Variants in KIT observed in about 807,000 individuals in gnomAD.
The protein encoded by KIT is mast/stem cell growth factor receptor Kit.
In KIT, 16 loss-of-function variants were observed where a neutral mutation model predicts 105.7. That is an observed-to-expected ratio of 0.15 (90% CI 0.10 to 0.23). The LOEUF (loss-of-function observed/expected upper bound fraction) is 0.23. KIT is among the 10% of genes least tolerant of loss of function. The pLI is 1.00. For synonymous variants in KIT, 438 were observed against 441.1 expected (o/e 0.99, Z 0.09); for missense variants, 858 against 1,213.8 (o/e 0.71, Z 4.36).
intron 7 of KIT, among the ~76,000 whole-genome samples, chr4:54,713,699 A>G (rs1039837291): frequency 2.6e-5 from 4 of 152,174 alleles, no homozygotes; most frequent in Admixed American, 1.3e-4. Flanking sequence ...TGAAAAATCT[A>G]TTTGTTTTGA....
chr4:54,658,904 C>A (rs932851808), intron 1 of KIT, among the ~76,000 whole-genome samples: 3 of 152,162 alleles, frequency 2.0e-5, no homozygotes, highest in Admixed American at 6.5e-5. Context: ...GCCGCGCGCC[C>A]CGGGGCGGCT....
intron 1 of KIT, among the ~76,000 whole-genome samples, chr4:54,666,751 C>T (rs764424932): frequency 5.9e-5 from 9 of 152,194 alleles, no homozygotes; most frequent in Non-Finnish European, 8.8e-5. Flanking sequence ...TGCCTGAAAT[C>T]GTTTGGGAAT....
chr4:54,725,245 C>T (rs1722143742), intron 8 of KIT, among the ~76,000 whole-genome samples: 1 of 152,118 alleles, frequency 6.6e-6, no homozygotes, highest in East Asian at 1.9e-4. Context: ...GCTGGGATTA[C>T]AGGCGCCTGC....
chr4:54,673,198 T>G (rs913973407), intron 1 of KIT, among the ~76,000 whole-genome samples: 6 of 152,214 alleles, frequency 3.9e-5, no homozygotes, highest in African/African-American at 1.2e-4. Context: ...TAAGAGTTCT[T>G]TTTTATTTCC....
intron 20 of KIT, 77 bp downstream of exon 20, chr4:54,737,357 T>G: frequency 1.0e-6 from 1 of 984,842 alleles, no homozygotes; most frequent in Non-Finnish European, 1.6e-6. Flanking sequence ...GCTTTCAGGG[T>G]GAGGACTAAC....
intron 7 of KIT, among the ~76,000 whole-genome samples, chr4:54,713,621 T>A: frequency 6.6e-6 from 1 of 152,242 alleles, no homozygotes; most frequent in East Asian, 1.9e-4. Flanking sequence ...GCGTAATTGC[T>A]TAATAGATTC....
chr4:54,698,985 C>T (rs554967915), intron 3 of KIT, among the ~76,000 whole-genome samples: 1 of 152,318 alleles, frequency 6.6e-6, no homozygotes, highest in African/African-American at 2.4e-5. Flanking sequence ...TGCAATGCAT[C>T]CTCAAACTGT....
rs766845123 is a variant in KIT, at chr4:54,738,516, G to A, written c.2890G>A (p.Ala964Thr). 4.1e-5 allele frequency: 66 copies of A among 1,613,916 alleles called. No individual in the cohort carries two copies. The highest frequency in any genetic ancestry group is 3.3e-4 in the Middle Eastern group (2 of 6,084). The change falls in exon 21 of 21, where the codon GCT becomes ACT. Residue 964 changes from alanine (A) to threonine (T), a missense_variant. Coordinates refer to ENST00000288135, the MANE Select transcript of KIT (RefSeq NM_000222.3). ...GCGGATCAATTCTGTCGGCAGCACCGCTTCCTCCTCCCAGCCTCTGCTTGT... is the reference window on the plus strand; with the variant it reads ...GCGGATCAATTCTGTCGGCAGCACCACTTCCTCCTCCCAGCCTCTGCTTGT... ...SVRINSVGST[A>T]SSSQPLLVHD... is the part of the protein sequence containing the mutation.
Position 54,707,149 on chromosome 4 carries a change from A to G in KIT, c.977A>G (p.Asn326Ser), listed in dbSNP as rs2109705178. Residue 326 changes from asparagine to serine, a missense_variant, in exon 6 of 21, where the codon AAC (asparagine) becomes AGC (serine). By Grantham distance (46) the Asn-to-Ser change is conservative. This residue lies in a region of KIT where 401 missense variants were observed against 601.0 expected (regional missense o/e 0.67). Coordinates refer to ENST00000288135, the MANE Select transcript of KIT (RefSeq NM_000222.3). The part of the protein sequence containing the change: ...FPMINTTVFV[N>S]DGENVDLIVE... ...ATGATAAACACTACAGTATTTGTAAACGATGGAGAAAATGTAGATTTGATT... is the reference window on the plus strand; with the variant it reads ...ATGATAAACACTACAGTATTTGTAAGCGATGGAGAAAATGTAGATTTGATT... The G allele has an allele frequency of 6.3e-7, 1 of 1,581,898 alleles. No homozygotes were observed. The highest frequency in any genetic ancestry group is 2.2e-5 in the East Asian group (1 of 44,664).
chr4:54,722,680 A>G (rs1721949891), intron 7 of KIT, among the ~76,000 whole-genome samples: 1 of 152,020 alleles, frequency 6.6e-6, no homozygotes, highest in Admixed American at 6.6e-5. Flanking sequence ...GTATAAGTGC[A>G]TCTTCCTTTC....
chr4:54,734,498 CTT>C (rs1578004609), intron 17 of KIT, among the ~76,000 whole-genome samples: 1 of 152,224 alleles, frequency 6.6e-6, no homozygotes, highest in East Asian at 1.9e-4. Context: ...TACATACTGT[CTT>C]GTTATTGGTT....
intron 2 of KIT, chr4:54,696,045 G>A: frequency 1.9e-6 from 1 of 527,250 alleles, no homozygotes; most frequent in Non-Finnish European, 3.4e-6. Flanking sequence ...TTGTGCTGGT[G>A]CTTTGAGTAA....
chr4:54,724,721 A>C lies in KIT; in HGVS notation c.1346+1023A>C, dbSNP rs998141100. ...AGAAGACGACTGTCTTAGGCCACAC[A>C]TAAAATATAGTAACACTAACGATAG... On this transcript the variant is annotated intron_variant, in intron 8 of 20. Coordinates refer to ENST00000288135, the MANE Select transcript of KIT (RefSeq NM_000222.3). Among the ~76,000 whole-genome samples, 3 of 152,128 alleles carry C rather than the reference A, an allele frequency of 2.0e-5. No individual in the cohort carries two copies. The East Asian group carries it at 5.8e-4, about 29-fold the overall frequency.
At chr4:54,732,042 TTGA>T (rs780217250) in intron 16 of KIT, 44 bp downstream of exon 16, 4 of 1,558,448 alleles carry the variant, frequency 2.6e-6, no homozygotes, top group Admixed American at 1.9e-5. Context: ...TTTTGTTTTT[TTGA>T]TTTTTTTTTT....
At chr4:54,658,372 G>A (rs1344642238) in intron 1 of KIT, among the ~76,000 whole-genome samples, 3 of 152,152 alleles carry the variant, frequency 2.0e-5, no homozygotes, top group Non-Finnish European at 4.4e-5. Flanking sequence ...GGCTCCGTGC[G>A]AGTTTGGGGT....
At chr4:54,700,164 T>TTCTC (rs1720366820) in intron 4 of KIT, among the ~76,000 whole-genome samples, 3 of 152,188 alleles carry the variant, frequency 2.0e-5, no homozygotes, top group Non-Finnish European at 4.4e-5. Flanking sequence ...ACTTCCATAC[T>TTCTC]TAAAAAGAAT....
At chr4:54,701,460 A>T (rs546988731) in intron 4 of KIT, among the ~76,000 whole-genome samples, 2 of 152,196 alleles carry the variant, frequency 1.3e-5, no homozygotes. Context: ...ACTTTTTAGC[A>T]TTGTTGCCAT....
At chr4:54,670,143 T>G (rs1373790659) in intron 1 of KIT, among the ~76,000 whole-genome samples, 2 of 152,176 alleles carry the variant, frequency 1.3e-5, no homozygotes, top group Non-Finnish European at 2.9e-5. Context: ...TTTGGAGCCT[T>G]TAATGTGCTT....
In KIT at chr4:54,698,449, C is replaced by A. The variant is rs149092990; in HGVS notation, c.503C>A (p.Ala168Glu). ...KDLRFIPDPK[A>E]GIMIKSVKRA... ...TTGAGGTTTATTCCTGACCCCAAGG[C>A]GGGCATCATGATCAAAAGTGTGAAA... The change falls in exon 3 of 21, where the codon GCG (alanine) becomes GAG (glutamate). Residue 168 changes from alanine to glutamate, a missense_variant. Transcript: ENST00000288135. 4 of 1,614,148 alleles carry A rather than the reference C, an allele frequency of 2.5e-6. No individual in the cohort carries two copies. Among genetic ancestry groups the A allele is most frequent in the Admixed American group, 3.3e-5 (2 of 60,026 alleles).
Sources: allele counts gnomAD v4.1 joint callset (sites outside exome capture counted in the v4.1 genomes callset), GRCh38; gene constraint gnomAD v4.1.1; regional missense constraint gnomAD v4.1.1; transcripts MANE v1.5; gene names NCBI Gene and HGNC (gene_info 2026-07-23, HGNC 2026-07-21).